The following IMMP2L variants were observed in gnomAD, a reference collection of about 807,000 sequenced individuals.
IMMP2L encodes mitochondrial inner membrane protease subunit 2.
IMMP2L carries 18 observed loss-of-function variants against 19.3 expected under a neutral mutation model. The ratio of observed to expected loss-of-function variants is 0.93; its 90% confidence interval spans 0.64 to 1.38. The LOEUF (loss-of-function observed/expected upper bound fraction) is 1.38. IMMP2L is among the 40% of genes most tolerant of loss of function. The pLI, the probability that IMMP2L is intolerant of heterozygous loss-of-function variation, is 0.00. For missense variants in IMMP2L, 233 were observed against 218.2 expected, an observed-to-expected ratio of 1.07 and a Z score of -0.43; for synonymous variants, 76 against 73.0, an observed-to-expected ratio of 1.04 and a Z score of -0.21.
At chr7:110,692,904 A>G (rs1793614050) in intron 5 of IMMP2L, among the ~76,000 whole-genome samples, 1 of 152,162 alleles carries the variant, frequency 6.6e-6, no homozygotes, top group Non-Finnish European at 1.5e-5. Flanking sequence ...GCAATGTGGT[A>G]CAGAGGAACC....
intron 3 of IMMP2L, among the ~76,000 whole-genome samples, chr7:111,462,166 A>G (rs548245318): frequency 6.6e-6 from 1 of 152,142 alleles, no homozygotes; most frequent in South Asian, 2.1e-4. Flanking sequence ...TCAAAGTATA[A>G]CCAGTAATTG....
chr7:111,506,038 C>T (rs1053314815), intron 2 of IMMP2L, among the ~76,000 whole-genome samples: 4 of 151,656 alleles, frequency 2.6e-5, no homozygotes, highest in South Asian at 2.1e-4. Context: ...TCTTGGGAGG[C>T]GGGAGGATGG....
At chr7:111,147,202 GGCTGTTGTTGCTGCCGTTGTTGTT>G (rs1803569889) in intron 3 of IMMP2L, among the ~76,000 whole-genome samples, 1 of 151,924 alleles carries the variant, frequency 6.6e-6, no homozygotes, top group South Asian at 2.1e-4. Context: ...CAGGTCAGGG[GGCTGTTGTTGCTGCCGTTGTTGTT>G]GCTGTTGTTG....
intron 5 of IMMP2L, among the ~76,000 whole-genome samples, chr7:110,674,852 T>C (rs1289428124): frequency 1.3e-5 from 2 of 152,164 alleles, no homozygotes; most frequent in Non-Finnish European, 2.9e-5. Context: ...ACCATATCTA[T>C]CTGCCTGCTT....
intron 1 of IMMP2L, among the ~76,000 whole-genome samples, chr7:111,533,857 T>C (rs1460844226): frequency 6.6e-6 from 1 of 151,934 alleles, no homozygotes; most frequent in Non-Finnish European, 1.5e-5. Flanking sequence ...TAGATTTCAC[T>C]ACATAAAAAT....
chr7:111,114,163 T>C (rs1025864237), intron 3 of IMMP2L, among the ~76,000 whole-genome samples: 13 of 145,094 alleles, frequency 9.0e-5, no homozygotes, highest in African/African-American at 2.9e-4. Flanking sequence ...CACACACACA[T>C]TTTTGCCAGG....
At chr7:111,110,141 TAA>T (rs1799033980) in intron 3 of IMMP2L, among the ~76,000 whole-genome samples, 1 of 152,026 alleles carries the variant, frequency 6.6e-6, no homozygotes, top group African/African-American at 2.4e-5. Context: ...TCTCAAAAAA[TAA>T]AGTCTTTAGG....
intron 3 of IMMP2L, among the ~76,000 whole-genome samples, chr7:111,030,463 T>C (rs10953674): frequency 0.27 from 41,210 of 151,986 alleles, 6,657 homozygotes; most frequent in East Asian, 0.64. Flanking sequence ...TATTCCTTTC[T>C]CTTCCTTCAC....
At chr7:111,458,033 C>A (rs1009822513) in intron 3 of IMMP2L, among the ~76,000 whole-genome samples, 1 of 151,734 alleles carries the variant, frequency 6.6e-6, no homozygotes, top group Non-Finnish European at 1.5e-5. Context: ...CTTACTCTAT[C>A]GAGTCTTTAA....
chr7:111,487,129 T>C (rs1842722988), intron 3 of IMMP2L, 109 bp downstream of exon 3: 5 of 542,586 alleles, frequency 9.2e-6, no homozygotes, highest in South Asian at 6.6e-5. Context: ...ATTTAACATG[T>C]ATTCAATTTA....
intron 3 of IMMP2L, among the ~76,000 whole-genome samples, chr7:111,044,956 T>C (rs2129571641): frequency 6.6e-6 from 1 of 151,970 alleles, no homozygotes; most frequent in East Asian, 1.9e-4. Context: ...GCTGTGAAAA[T>C]ATAATGAAAA....
intron 3 of IMMP2L, among the ~76,000 whole-genome samples, chr7:111,015,058 T>C (rs1165333062): frequency 6.6e-6 from 1 of 152,108 alleles, no homozygotes; most frequent in Non-Finnish European, 1.5e-5. Flanking sequence ...TCTGGGTATA[T>C]ACACAAAGGA....
At chr7:111,422,229 C>T (rs1684548992) in intron 3 of IMMP2L, among the ~76,000 whole-genome samples, 1 of 151,752 alleles carries the variant, frequency 6.6e-6, no homozygotes. Flanking sequence ...TTCCATAGAA[C>T]TTTAAGGTAC....
intron 3 of IMMP2L, among the ~76,000 whole-genome samples, chr7:110,968,737 A>C (rs1364905808): frequency 1.3e-5 from 2 of 152,124 alleles, no homozygotes; most frequent in East Asian, 3.9e-4. Context: ...TTGTTTCACA[A>C]ATGTGTAGTA....
chr7:111,041,726 T>A (rs2129571015), intron 3 of IMMP2L, among the ~76,000 whole-genome samples: 1 of 152,236 alleles, frequency 6.6e-6, no homozygotes, highest in African/African-American at 2.4e-5. Flanking sequence ...CACATGATTC[T>A]GATTTGTTTT....
intron 3 of IMMP2L, among the ~76,000 whole-genome samples, chr7:111,286,880 A>C (rs1358772854): frequency 6.6e-6 from 1 of 152,180 alleles, no homozygotes; most frequent in Non-Finnish European, 1.5e-5. Flanking sequence ...ATTTAGGGAT[A>C]CACACTTTCC....
intron 3 of IMMP2L, among the ~76,000 whole-genome samples, chr7:111,169,127 T>C (rs912360869): frequency 2.6e-5 from 4 of 151,868 alleles, no homozygotes; most frequent in Non-Finnish European, 5.9e-5. Context: ...AAAGGAGAAG[T>C]ATGTATACAA....
intron 5 of IMMP2L, among the ~76,000 whole-genome samples, chr7:110,840,595 C>T (rs1341142270): frequency 2.0e-5 from 3 of 152,038 alleles, no homozygotes; most frequent in Non-Finnish European, 2.9e-5. Context: ...ATAACTTGTT[C>T]TCTACATGCT....
chr7:111,342,852 A>G (rs1827161842), intron 3 of IMMP2L, among the ~76,000 whole-genome samples: 1 of 152,118 alleles, frequency 6.6e-6, no homozygotes, highest in African/African-American at 2.4e-5. Flanking sequence ...CTAAAAAGTT[A>G]TATGATTTCT....
Sources: allele counts gnomAD v4.1 joint callset (sites outside exome capture counted in the v4.1 genomes callset), GRCh38; gene constraint gnomAD v4.1.1; transcripts MANE v1.5; gene names NCBI Gene and HGNC (gene_info 2026-07-23, HGNC 2026-07-21).